HNF4G: variants seen among roughly 807,000 people sequenced by gnomAD.
The protein encoded by HNF4G is hepatocyte nuclear factor 4-gamma.
Under a neutral mutation model 50.9 loss-of-function variants are expected in HNF4G, and 21 were observed. The observed-to-expected ratio is 0.41, with a 90% CI of 0.29 to 0.59. The LOEUF (loss-of-function observed/expected upper bound fraction) is 0.59. Among genes scored for constraint, HNF4G ranks in the 20% least tolerant of loss-of-function variants. The pLI is 0.26. For synonymous variants in HNF4G, 198 were observed against 185.6 expected (o/e 1.07, Z -0.54); for missense variants, 527 against 559.4 (o/e 0.94, Z 0.58).
chr8:75,516,325 C>T (rs549691109), intron 2 of HNF4G, among the ~76,000 whole-genome samples: 17 of 151,926 alleles, frequency 1.1e-4, no homozygotes, highest in South Asian at 4.2e-4. Context: ...CTTTTACCTA[C>T]GGGTTATTTC....
intron 1 of HNF4G, among the ~76,000 whole-genome samples, chr8:75,464,881 A>G (rs1811931183): frequency 6.6e-6 from 1 of 152,212 alleles, no homozygotes; most frequent in African/African-American, 2.4e-5. Flanking sequence ...CAGAGAATTC[A>G]CTAATGAAGT....
At chr8:75,544,408 A>G (rs1279482035) in intron 2 of HNF4G, among the ~76,000 whole-genome samples, 2 of 152,134 alleles carry the variant, frequency 1.3e-5, no homozygotes, top group African/African-American at 4.8e-5. Context: ...TTTTAATAAG[A>G]GTATTTTTCT....
chr8:75,503,007 C>T (rs1224706405), intron 2 of HNF4G, among the ~76,000 whole-genome samples: 1 of 152,104 alleles, frequency 6.6e-6, no homozygotes, highest in Non-Finnish European at 1.5e-5. Context: ...TACTTGCATA[C>T]ACTTTTTCTG....
At position 75,529,745 on chromosome 8, in the gene HNF4G, A is replaced by T. The variant is rs1442981475; in HGVS notation, c.-23-14066A>T. 2.0e-5 allele frequency among the ~76,000 whole-genome samples: 3 copies of T among 152,170 alleles called. No homozygotes were observed. The East Asian group carries it at 5.8e-4, about 29-fold the overall frequency. On this transcript the variant is annotated intron_variant, in intron 2 of 10. Coordinates refer to the HNF4G transcript ENST00000354370. ...AATTAGATGTGAATTTCCTTTCACT[A>T]ATTTCTACTTGAATTATTTAGGCAT...
intron 1 of HNF4G, among the ~76,000 whole-genome samples, chr8:75,471,439 A>G (rs1281818583): frequency 6.6e-6 from 1 of 152,166 alleles, no homozygotes; most frequent in Non-Finnish European, 1.5e-5. Flanking sequence ...GTCATCTTCA[A>G]TATACATAGT....
chr8:75,408,078 C>G (rs1233830842), exon 1 of HNF4G: 3 of 152,228 alleles, frequency 2.0e-5, no homozygotes, highest in Non-Finnish European at 2.9e-5. Flanking sequence ...GGGGCTGAGC[C>G]TCAGGACCCC....
intron 9 of HNF4G, among the ~76,000 whole-genome samples, chr8:75,561,094 G>A (rs977999237): frequency 3.3e-5 from 5 of 152,074 alleles, no homozygotes; most frequent in Admixed American, 1.3e-4. Context: ...AGTTTTACTC[G>A]TTGGGAAGTT....
At chr8:75,416,370 T>G (rs1236302017) in intron 1 of HNF4G, among the ~76,000 whole-genome samples, 3 of 152,020 alleles carry the variant, frequency 2.0e-5, no homozygotes, top group Non-Finnish European at 4.4e-5. Context: ...GGACATTTTC[T>G]TTTTTTTCTT....
chr8:75,561,112 G>A (rs1807300098), intron 9 of HNF4G, among the ~76,000 whole-genome samples: 1 of 152,142 alleles, frequency 6.6e-6, no homozygotes, highest in Non-Finnish European at 1.5e-5. Context: ...GTTTGGATCA[G>A]CTTTCAACAT....
At chr8:75,455,839 A>G (rs956499424) in intron 1 of HNF4G, among the ~76,000 whole-genome samples, 2 of 152,132 alleles carry the variant, frequency 1.3e-5, no homozygotes, top group South Asian at 4.1e-4. Flanking sequence ...TAGTGGTAGC[A>G]GTTTGCATAC....
At chr8:75,485,557 A>G (rs1234511560) in intron 1 of HNF4G, among the ~76,000 whole-genome samples, 1 of 152,200 alleles carries the variant, frequency 6.6e-6, no homozygotes, top group Non-Finnish European at 1.5e-5. Context: ...TTCTATGTAT[A>G]GCTTTTATGC....
intron 2 of HNF4G, among the ~76,000 whole-genome samples, chr8:75,511,041 T>G (rs2130725469): frequency 6.6e-6 from 1 of 152,254 alleles, no homozygotes; most frequent in Non-Finnish European, 1.5e-5. Context: ...CTTTATGGTT[T>G]GTGCTTTTTG....
chr8:75,461,611 T>A (rs1006440092), intron 1 of HNF4G, among the ~76,000 whole-genome samples: 1 of 152,068 alleles, frequency 6.6e-6, no homozygotes, highest in Non-Finnish European at 1.5e-5. Context: ...AAGCTAAAGA[T>A]CTGGGTAAGT....
chr8:75,545,444 C>G (rs1806748454), intron 2 of HNF4G, among the ~76,000 whole-genome samples: 1 of 152,060 alleles, frequency 6.6e-6, no homozygotes, highest in Non-Finnish European at 1.5e-5. Context: ...AACTCCTGCA[C>G]CTTCCTATTA....
chr8:75,553,930 T>C (rs1807042617), intron 5 of HNF4G, among the ~76,000 whole-genome samples: 3 of 152,134 alleles, frequency 2.0e-5, no homozygotes, highest in Admixed American at 1.3e-4. Flanking sequence ...AGTATTTTGG[T>C]TTCAGATTCA....
intron 2 of HNF4G, among the ~76,000 whole-genome samples, chr8:75,499,306 A>T (rs1388666163): frequency 6.6e-6 from 1 of 152,078 alleles, no homozygotes; most frequent in Non-Finnish European, 1.5e-5. Context: ...TAAAGTACTA[A>T]GAAACACATT....
At chr8:75,420,075 A>C (rs1398101416) in intron 1 of HNF4G, among the ~76,000 whole-genome samples, 2 of 151,994 alleles carry the variant, frequency 1.3e-5, no homozygotes, top group East Asian at 1.9e-4. Flanking sequence ...TAAAAAAAAA[A>C]CTCCCAATTT....
At chr8:75,444,045 T>A (rs887125939) in intron 1 of HNF4G, among the ~76,000 whole-genome samples, 3 of 152,000 alleles carry the variant, frequency 2.0e-5, no homozygotes, top group African/African-American at 2.4e-5. Flanking sequence ...CGGGTTACCC[T>A]CAAAGGGAAG....
At chr8:75,435,522 A>G (rs560275690) in intron 1 of HNF4G, among the ~76,000 whole-genome samples, 3 of 152,352 alleles carry the variant, frequency 2.0e-5, no homozygotes, top group Admixed American at 1.3e-4. Flanking sequence ...TCAACATTGT[A>G]CTACAGACTG....
Sources: allele counts gnomAD v4.1 joint callset (sites outside exome capture counted in the v4.1 genomes callset), GRCh38; gene constraint gnomAD v4.1.1; transcripts MANE v1.5; gene names NCBI Gene and HGNC (gene_info 2026-07-23, HGNC 2026-07-21).